Variants in ENO3 observed in about 807,000 individuals in gnomAD.
ENO3 encodes the protein enolase 3, also known as beta-enolase.
In ENO3, 46 loss-of-function variants were observed where a neutral mutation model predicts 47.7. That is an observed-to-expected ratio of 0.96 (90% confidence interval 0.76 to 1.23). ENO3 has a LOEUF of 1.23. Among genes scored for constraint, ENO3 ranks in the 50% most tolerant of loss-of-function variants. ENO3 has a pLI of 0.00. For missense variants in ENO3, 575 were observed against 566.2 expected (o/e 1.02, Z -0.16); for synonymous variants, 223 against 225.9 (o/e 0.99, Z 0.11).
At chr17:4,956,289 G>A in intron 9 of ENO3, 146 bp downstream of exon 9, 4 of 1,052,932 alleles carry the variant, frequency 3.8e-6, no homozygotes, top group Non-Finnish European at 4.2e-6. Context: ...GACTTTGTTT[G>A]ACTAATCCTT....
chr17:4,955,568 G>A lies in ENO3; in HGVS notation c.829G>A (p.Gly277Arg), dbSNP rs199785068. The change falls in exon 8 of 12, where the codon GGA becomes AGA. Residue 277 changes from glycine to arginine, a missense_variant. Transcript: ENST00000519602. ...ACGGCACATCACTGGGGAGAAGCTC[G>A]GAGAGCTGTATAAGAGCTTTATCAA... Reference protein sequence around the residue: ...PARHITGEKLGELYKSFIKNY... With the variant: ...PARHITGEKLRELYKSFIKNY... The A allele has an allele frequency of 1.4e-5, 22 of 1,614,220 alleles. No individual in the cohort carries two copies. Among genetic ancestry groups the A allele is most frequent in the Admixed American group, 6.7e-5 (4 of 60,034 alleles).
At chr17:4,950,892 G>T (rs570558966), upstream of ENO3, among the ~76,000 whole-genome samples, 4 of 152,200 alleles carry the variant, frequency 2.6e-5, no homozygotes, top group Non-Finnish European at 5.9e-5. Flanking sequence ...CCTCCCAAAG[G>T]GTGGAATTAG....
chr17:4,951,071 G>C (rs1047618657), upstream of ENO3: 49 of 986,036 alleles, frequency 5.0e-5, no homozygotes, highest in African/African-American at 7.5e-4. Context: ...GGCTGGCTGG[G>C]GACCGAGTGG....
rs754410640 is a variant in ENO3, at chr17:4,956,669, C to G, written c.1164C>G (p.Leu388=). Residue 388 remains leucine (L), a synonymous_variant, in exon 10 of 12, where the codon CTC becomes CTG. Coordinates refer to ENST00000519602, the MANE Select transcript of ENO3 (RefSeq NM_053013.4). ...DTFIADLVVG[L]CTGQIKTGAP... is the part of the protein sequence containing the mutation. ...TCATTGCTGACCTTGTGGTGGGGCT[C>G]TGCACAGGACAGGTACTTGTAGCTT... The G allele has an allele frequency of 9.3e-6, 15 of 1,614,176 alleles. 1 individual carries two copies. Among genetic ancestry groups the G allele is most frequent in the Middle Eastern group, 1.6e-4 (1 of 6,062 alleles).
Position 4,955,133 on chromosome 17 carries a change from T to C in ENO3, c.503T>C (p.Phe168Ser). ...GGAAACAAGCTGGCCATGCAGGAGT[T>C]CATGATTCTGCCTGTGGGAGCCAGC... ...HAGNKLAMQE[F>S]MILPVGASSF... is the part of the protein sequence containing the mutation. The change falls in exon 7 of 12, where the codon TTC (phenylalanine) becomes TCC (serine). Residue 168 changes from phenylalanine to serine, a missense_variant. Transcript: ENST00000519602. 6.2e-7 allele frequency: 1 copy of C among 1,614,232 alleles called. No individual in the cohort carries two copies. Among genetic ancestry groups the C allele is most frequent in the Non-Finnish European group, 8.5e-7 (1 of 1,180,034 alleles).
chr17:4,954,103 C>T (rs1597700773), intron 6 of ENO3: 2 of 586,188 alleles, frequency 3.4e-6, no homozygotes, highest in East Asian at 6.0e-5. Context: ...ATAACTCCAG[C>T]CTCGTTCCAA....
At chr17:4,952,618 C>CG (rs1374907292) in intron 2 of ENO3, among the ~76,000 whole-genome samples, 177 bp from the exon 3 acceptor site, 5 of 152,196 alleles carry the variant, frequency 3.3e-5, no homozygotes, top group Non-Finnish European at 2.9e-5. Flanking sequence ...CCACCGCGCC[C>CG]GGCCTCAGCT....
In ENO3 at chr17:4,955,189, G is replaced by A. The variant is rs772218199; in HGVS notation, c.559G>A (p.Glu187Lys). The A allele has an allele frequency of 2.7e-5, 43 of 1,614,128 alleles. 1 individual carries two copies. In the Middle Eastern group the frequency reaches 4.9e-4, roughly 19 times the overall value. Reference protein sequence around the residue: ...SFKEAMRIGAEVYHHLKGVIK... With the variant: ...SFKEAMRIGAKVYHHLKGVIK... The stretch of plus-strand genomic sequence containing the variant: ...CAAGGAAGCCATGCGCATTGGCGCC[G>A]AGGTCTACCACCACCTCAAGGGGGT... The change falls in exon 7 of 12, where the codon GAG becomes AAG. Residue 187 changes from glutamate to lysine, a missense_variant. Physicochemically the swap from Glu to Lys is moderately conservative, Grantham distance 56. Coordinates refer to ENST00000519602, the MANE Select transcript of ENO3 (RefSeq NM_053013.4).
intron 9 of ENO3, 33 bp downstream of exon 9, chr17:4,956,176 G>C (rs1259431148): frequency 6.2e-7 from 1 of 1,609,110 alleles, no homozygotes; most frequent in Non-Finnish European, 8.5e-7. Context: ...GCTCACCATA[G>C]CCTGCCTCTG....
rs541062882 is a variant in ENO3 at position 4,951,928 on chromosome 17, C to T, written c.85+14C>T. 9.3e-6 allele frequency: 15 copies of T among 1,613,892 alleles called. No individual in the cohort carries two copies. Among genetic ancestry groups the T allele is most frequent in the Middle Eastern group, 1.6e-4 (1 of 6,084 alleles). Reference sequence around the variant, plus strand: ...ACACGGCCAAGGGTAACACAAGGCCCATTGGATAGGCTCGCCTCCGAAGAC... The same window carrying T: ...ACACGGCCAAGGGTAACACAAGGCCTATTGGATAGGCTCGCCTCCGAAGAC... On this transcript the variant is annotated intron_variant, in intron 2 of 11. Transcript: ENST00000519602.
chr17:4,956,112 C>T lies in ENO3; in HGVS notation c.1036C>T (p.Gln346Ter). ...ACNCLLLKVN[Q>*]IGSVTESIQA... ...CAACTGTCTGCTGCTGAAGGTCAAC[C>T]AGATCGGCTCGGTGACCGAATCGAT... The change falls in exon 9 of 12, where the codon CAG becomes TAG. Residue 346 changes from glutamine (Q) to a stop codon, truncating the protein, a stop_gained. Coordinates refer to ENST00000519602, the MANE Select transcript of ENO3 (RefSeq NM_053013.4). LOFTEE classifies it high-confidence loss of function. The T allele has an allele frequency of 6.2e-7, 1 of 1,614,050 alleles. No individual in the cohort carries two copies.
Position 4,951,165 on chromosome 17 carries a change from C to T in ENO3, c.-20C>T, listed in dbSNP as rs1971529142. On this transcript the variant is annotated 5_prime_UTR_variant, in exon 1 of 12. Transcript: ENST00000519602. The stretch of plus-strand genomic sequence containing the variant: ...TAGACTCGGAGCTCCATCCAAACCT[C>T]CAGCGAAGACATCCCAGGTCGGGTG... 3.0e-6 allele frequency: 3 copies of T among 990,018 alleles called. No individual in the cohort carries two copies. In the South Asian group the frequency reaches 1.4e-4, roughly 45 times the overall value. 61.3% of individuals were successfully genotyped at this position (990,018 alleles called of 1,614,324 possible). A position where few individuals can be genotyped will look rare whatever the true frequency, so the allele number is the denominator to read the frequency against.
chr17:4,956,772 A>T, intron 10 of ENO3, 59 bp from the exon 11 acceptor site: 1 of 1,614,102 alleles, frequency 6.2e-7, no homozygotes, highest in Non-Finnish European at 8.5e-7. Context: ...CCTTGGGGCC[A>T]GGTCCAACCC....
intron 4 of ENO3, 68 bp from the exon 5 acceptor site, chr17:4,953,204 C>T (rs1191338440): frequency 2.5e-6 from 4 of 1,612,324 alleles, no homozygotes; most frequent in Admixed American, 3.3e-5. Flanking sequence ...CCTTATCCTT[C>T]CCCTGCATGT....
In ENO3 at chr17:4,953,044, T is replaced by C. The variant is rs775155235; in HGVS notation, c.182-7T>C. On this transcript the variant is annotated splice_polypyrimidine_tract_variant and splice_region_variant and intron_variant, in intron 3 of 11. Coordinates refer to ENST00000519602, the MANE Select transcript of ENO3 (RefSeq NM_053013.4). ...GAGCTCCAAAACTCATCCTCTGGCC[T>C]GTCTAGGAGTCCTGAAGGCTGTGGA... 1.2e-6 allele frequency: 2 copies of C among 1,614,190 alleles called. No individual in the cohort carries two copies. The highest frequency in any genetic ancestry group is 1.7e-5 in the Admixed American group (1 of 60,022).
At position 4,953,800 on chromosome 17, in the gene ENO3, C is replaced by T; in HGVS notation, c.399C>T (p.His133=). The change falls in exon 6 of 12, where the codon CAC becomes CAT. Residue 133 remains histidine, a synonymous_variant. Coordinates refer to ENST00000519602, the MANE Select transcript of ENO3 (RefSeq NM_053013.4). ...AGAAGGGGGTCCCCCTGTACCGCCA[C>T]ATCGCAGATCTCGCTGGGAACCCTG... ...AAEKGVPLYR[H]IADLAGNPDL... 1 of 1,614,232 alleles carries T rather than the reference C, an allele frequency of 6.2e-7. No individual in the cohort carries two copies. Among genetic ancestry groups the T allele is most frequent in the African/African-American group, 1.3e-5 (1 of 75,056 alleles).
chr17:4,949,885 C>G (rs941792307), upstream of ENO3, among the ~76,000 whole-genome samples: 4 of 151,986 alleles, frequency 2.6e-5, no homozygotes, highest in Non-Finnish European at 5.9e-5. Flanking sequence ...CGGGGCCGCA[C>G]CCGGGCACGT....
upstream of ENO3, chr17:4,950,733 G>C (rs1971516262): frequency 1.1e-6 from 1 of 952,068 alleles, no homozygotes; most frequent in Non-Finnish European, 1.3e-6. Context: ...CAATCTTGCA[G>C]CCCCTCTTCC....
At position 4,956,061 on chromosome 17, in the gene ENO3, G is replaced by A; in HGVS notation, c.985G>A (p.Ala329Thr). ...DLTVTNPKRI[A>T]QAVEKKACNC... ...GACAGTCACCAACCCCAAGAGGATTGCCCAGGCCGTTGAGAAGAAGGCCTG... is the reference window on the plus strand; with the variant it reads ...GACAGTCACCAACCCCAAGAGGATTACCCAGGCCGTTGAGAAGAAGGCCTG... The change falls in exon 9 of 12, where the codon GCC becomes ACC. Residue 329 changes from alanine (A) to threonine (T), a missense_variant. Transcript: ENST00000519602. 6.2e-7 allele frequency: 1 copy of A among 1,614,010 alleles called. No individual in the cohort carries two copies. Among genetic ancestry groups the A allele is most frequent in the East Asian group, 2.2e-5 (1 of 44,868 alleles).
Sources: gnomAD v4.1 joint callset for allele counts (sites outside exome capture counted in the v4.1 genomes callset) on GRCh38, gnomAD v4.1.1 for gene constraint, MANE v1.5 for transcripts, NCBI Gene and HGNC (gene_info 2026-07-23, HGNC 2026-07-21) for gene names.